CCDC141: variants seen among roughly 807,000 people sequenced by gnomAD.
The protein encoded by CCDC141 is coiled-coil domain-containing protein 141.
CCDC141 carries 168 observed loss-of-function variants against 181.0 expected under a neutral mutation model. That is an observed-to-expected ratio of 0.93 (90% CI 0.82 to 1.05). The LOEUF (loss-of-function observed/expected upper bound fraction) is 1.05. Among genes scored for constraint, CCDC141 ranks in the 50% least tolerant of loss-of-function variants. CCDC141 has a pLI of 0.00. For missense variants in CCDC141, 1,902 were observed against 1,788.5 expected (o/e 1.06, Z -1.14); for synonymous variants, 666 against 642.3 (o/e 1.04, Z -0.56).
intron 2 of CCDC141, among the ~76,000 whole-genome samples, chr2:178,995,491 C>A (rs1692246417): frequency 6.6e-6 from 1 of 152,146 alleles, no homozygotes; most frequent in Admixed American, 6.5e-5. Context: ...AGGACACAAC[C>A]ACACCATATC....
At chr2:178,949,596 T>C (rs1302322307) in intron 5 of CCDC141, among the ~76,000 whole-genome samples, 2 of 152,270 alleles carry the variant, frequency 1.3e-5, no homozygotes, top group South Asian at 2.1e-4. Flanking sequence ...AAAACCAAAA[T>C]GCAAAGCTAT....
chr2:179,031,083 G>T (rs1341268906), intron 2 of CCDC141, among the ~76,000 whole-genome samples: 1 of 151,882 alleles, frequency 6.6e-6, no homozygotes, highest in Non-Finnish European at 1.5e-5. Context: ...AGTGTATACA[G>T]GACTTTGAAG....
At chr2:178,912,936 G>A (rs1294070503) in intron 7 of CCDC141, among the ~76,000 whole-genome samples, 1 of 152,026 alleles carries the variant, frequency 6.6e-6, no homozygotes, top group Non-Finnish European at 1.5e-5. Context: ...ACCTCCTCTG[G>A]GGAGCCTTCC....
At chr2:178,943,540 G>A (rs111715355) in intron 6 of CCDC141, among the ~76,000 whole-genome samples, 1 of 152,136 alleles carries the variant, frequency 6.6e-6, no homozygotes, top group African/African-American at 2.4e-5. Flanking sequence ...TGTCTAGCCT[G>A]TATTCAACTA....
At chr2:178,839,984 A>T (rs1684656204) in intron 22 of CCDC141, among the ~76,000 whole-genome samples, 1 of 152,206 alleles carries the variant, frequency 6.6e-6, no homozygotes, top group Non-Finnish European at 1.5e-5. Context: ...TTTCTGAAAG[A>T]GTACTTTGAG....
At chr2:178,996,101 T>G (rs1269173534) in intron 2 of CCDC141, among the ~76,000 whole-genome samples, 2 of 136,130 alleles carry the variant, frequency 1.5e-5, no homozygotes, top group African/African-American at 5.6e-5. Flanking sequence ...TTTTTTTTTT[T>G]GGTGAGATGG....
chr2:178,974,070 CCTT>C (rs1691016909), intron 4 of CCDC141, among the ~76,000 whole-genome samples: 1 of 151,810 alleles, frequency 6.6e-6, no homozygotes, highest in African/African-American at 2.4e-5. Context: ...AAGATTGAGT[CCTT>C]TAATCTTACA....
At chr2:178,908,234 C>T (rs1260697917) in intron 7 of CCDC141, among the ~76,000 whole-genome samples, 1 of 152,028 alleles carries the variant, frequency 6.6e-6, no homozygotes, top group African/African-American at 2.4e-5. Context: ...CTCGCTCTGC[C>T]GCCAGGCTGG....
intron 2 of CCDC141, among the ~76,000 whole-genome samples, chr2:179,035,812 A>G (rs2043129830): frequency 6.6e-6 from 1 of 152,160 alleles, no homozygotes; most frequent in South Asian, 2.1e-4. Context: ...GCATCATCAT[A>G]TTACTCTAAA....
intron 2 of CCDC141, 79 bp downstream of exon 2, chr2:179,047,205 G>A: frequency 7.5e-7 from 1 of 1,328,778 alleles, no homozygotes; most frequent in Non-Finnish European, 9.9e-7. Flanking sequence ...GCCAGTAACA[G>A]CAGAGGAATC....
At chr2:178,985,103 T>G (rs1008168939) in intron 2 of CCDC141, among the ~76,000 whole-genome samples, 7 of 151,090 alleles carry the variant, frequency 4.6e-5, no homozygotes, top group Non-Finnish European at 1.0e-4. Flanking sequence ...GAACAGAAAT[T>G]ATAACAAACT....
chr2:178,817,371 T>A, the CCDC141 span, among the ~76,000 whole-genome samples: 1 of 152,304 alleles, frequency 6.6e-6, no homozygotes, highest in South Asian at 2.1e-4. Context: ...GCCTCAAATA[T>A]AAGAATTTAG....
chr2:178,898,615 A>C (rs1558964428), intron 8 of CCDC141, among the ~76,000 whole-genome samples: 6 of 152,228 alleles, frequency 3.9e-5, no homozygotes, highest in Admixed American at 3.3e-4. Flanking sequence ...TAGAAAAGGC[A>C]AGAAAACATG....
At position 178,831,319 on chromosome 2, in the gene CCDC141, T is replaced by G. The variant is rs1684240426; in HGVS notation, c.*2854A>C. ...AACTTAAAAACATTTTGTTTTGCAGTTCTTCAAAGTATCAAGTATTTATAA... is the reference window on the plus strand; with the variant it reads ...AACTTAAAAACATTTTGTTTTGCAGGTCTTCAAAGTATCAAGTATTTATAA... On this transcript the variant is annotated 3_prime_UTR_variant, in exon 24 of 24. Coordinates refer to ENST00000443758, the MANE Select transcript of CCDC141 (RefSeq NM_173648.4). 6.6e-6 allele frequency: 1 copy of G among 152,074 alleles called. No homozygotes were observed. The highest frequency in any genetic ancestry group is 1.9e-4 in the East Asian group (1 of 5,192). The allele number at this position is 152,074 out of a possible 1,614,324, so 9.4% of individuals were successfully genotyped here.
chr2:178,952,305 T>C (rs1689982117), intron 5 of CCDC141, among the ~76,000 whole-genome samples: 1 of 152,242 alleles, frequency 6.6e-6, no homozygotes. Context: ...TGTAGTGACA[T>C]GGTGAACATT....
In CCDC141 at chr2:179,016,748, A is replaced by T. The variant is rs544636834; in HGVS notation, c.225+30536T>A. Among the ~76,000 whole-genome samples the T allele has an allele frequency of 4.6e-5, 7 of 152,146 alleles. No individual in the cohort carries two copies. The East Asian group carries it at 1.2e-3, about 25-fold the overall frequency. ...TACTTATTTCTTATTTCCCTGGTTA[A>T]TTTTACCTAGTGGAAAACAAGTGGA... is the stretch of plus-strand genomic sequence containing the variant. On this transcript the variant is annotated intron_variant, in intron 2 of 23. Transcript: ENST00000443758.
chr2:178,932,237 C>T (rs1202176465), intron 6 of CCDC141, among the ~76,000 whole-genome samples: 2 of 152,162 alleles, frequency 1.3e-5, no homozygotes, highest in African/African-American at 2.4e-5. Flanking sequence ...ATCTTCACAA[C>T]AAACTCTGTA....
At chr2:178,966,475 C>G (rs1483330729) in intron 4 of CCDC141, among the ~76,000 whole-genome samples, 2 of 152,178 alleles carry the variant, frequency 1.3e-5, no homozygotes, top group South Asian at 2.1e-4. Context: ...CCCAGGCACA[C>G]AGGGTCAGGA....
chr2:179,011,755 T>C (rs566567511), intron 2 of CCDC141, among the ~76,000 whole-genome samples: 26 of 151,836 alleles, frequency 1.7e-4, no homozygotes, highest in African/African-American at 6.3e-4. Context: ...TTGAAGAAAA[T>C]GGAAATTATA....
Sources: allele counts gnomAD v4.1 joint callset (sites outside exome capture counted in the v4.1 genomes callset), GRCh38; gene constraint gnomAD v4.1.1; transcripts MANE v1.5; gene names NCBI Gene and HGNC (gene_info 2026-07-23, HGNC 2026-07-21).